The following NWD2 variants were observed in gnomAD, a reference collection of about 807,000 sequenced individuals.
NWD2 encodes the protein NACHT and WD repeat domain-containing protein 2.
A neutral mutation model predicts 132.7 loss-of-function variants in NWD2; 37 were observed. The observed-to-expected ratio is 0.28, with a 90% CI of 0.21 to 0.37. NWD2 has a LOEUF of 0.37. Among genes scored for constraint, NWD2 ranks in the 10% least tolerant of loss-of-function variants. The pLI, the probability that NWD2 is intolerant of heterozygous loss-of-function variation, is 1.00. For synonymous variants in NWD2, 705 were observed against 803.0 expected, an observed-to-expected ratio of 0.88 and a Z score of 2.06; for missense variants, 1,592 against 2,122.4, an observed-to-expected ratio of 0.75 and a Z score of 4.91.
At chr4:37,402,191 G>C (rs1330355682) in intron 3 of NWD2, among the ~76,000 whole-genome samples, 1 of 152,146 alleles carries the variant, frequency 6.6e-6, no homozygotes, top group Non-Finnish European at 1.5e-5. Flanking sequence ...AGGAGATGTT[G>C]CTGTCACGTC....
In NWD2 at chr4:37,335,308, G is replaced by C. The variant is rs997112470; in HGVS notation, c.240+9284G>C. 1.2e-3 allele frequency among the ~76,000 whole-genome samples: 149 copies of C among 123,434 alleles called. 3 individuals are homozygous for C. The highest frequency in any genetic ancestry group is 4.1e-3 in the African/African-American group (141 of 34,512). The allele number at this position is 123,434 out of a possible 152,430, so 81.0% of individuals were successfully genotyped here. A position where few individuals can be genotyped will look rare whatever the true frequency, so the allele number is the denominator to read the frequency against. On this transcript the variant is annotated intron_variant, in intron 2 of 6. Coordinates refer to ENST00000309447, the MANE Select transcript of NWD2 (RefSeq NM_001144990.2). ...TCTGACTGGGGGGTGGGCGGGGGGGGGGGGCTTAAATTGCCTCCCAGGCAA... is the reference window on the plus strand; with the variant it reads ...TCTGACTGGGGGGTGGGCGGGGGGGCGGGGCTTAAATTGCCTCCCAGGCAA...
intron 3 of NWD2, among the ~76,000 whole-genome samples, chr4:37,380,862 C>T (rs1337009347): frequency 2.0e-5 from 3 of 152,258 alleles, no homozygotes; most frequent in East Asian, 3.9e-4. Flanking sequence ...TTAAGATAAA[C>T]GTTCCCCCCA....
intron 1 of NWD2, among the ~76,000 whole-genome samples, chr4:37,283,685 A>G (rs2109269193): frequency 6.6e-6 from 1 of 152,322 alleles, no homozygotes; most frequent in Non-Finnish European, 1.5e-5. Context: ...ATAGAAATTT[A>G]TATGTAGTAG....
At chr4:37,414,790 A>G (rs951453791) in intron 3 of NWD2, among the ~76,000 whole-genome samples, 2 of 152,234 alleles carry the variant, frequency 1.3e-5, no homozygotes. Context: ...CATCAGTAAT[A>G]ACACTGTTAG....
At chr4:37,406,700 C>A (rs1169910082) in intron 3 of NWD2, among the ~76,000 whole-genome samples, 1 of 152,034 alleles carries the variant, frequency 6.6e-6, no homozygotes, top group African/African-American at 2.4e-5. Context: ...GAGTTTGAGA[C>A]CCGCCTGACC....
intron 3 of NWD2, among the ~76,000 whole-genome samples, chr4:37,361,340 C>A (rs1719977637): frequency 6.6e-6 from 1 of 152,062 alleles, no homozygotes; most frequent in African/African-American, 2.4e-5. Context: ...CAGCATCACC[C>A]TGATACCTGG....
At chr4:37,263,883 A>G (rs962961021) in intron 1 of NWD2, among the ~76,000 whole-genome samples, 2 of 152,184 alleles carry the variant, frequency 1.3e-5, no homozygotes, top group East Asian at 1.9e-4. Context: ...GCAGTTGACT[A>G]TTGCCTTTAT....
At chr4:37,352,025 G>T (rs1407758808) in intron 2 of NWD2, among the ~76,000 whole-genome samples, 1 of 152,160 alleles carries the variant, frequency 6.6e-6, no homozygotes, top group Non-Finnish European at 1.5e-5. Context: ...TAATTTGATT[G>T]CACTGTGGTC....
At chr4:37,400,847 A>G (rs1174786640) in intron 3 of NWD2, among the ~76,000 whole-genome samples, 1 of 152,236 alleles carries the variant, frequency 6.6e-6, no homozygotes, top group African/African-American at 2.4e-5. Flanking sequence ...AACAGACTTT[A>G]CTTGATATCT....
intron 2 of NWD2, among the ~76,000 whole-genome samples, chr4:37,329,342 C>T (rs1009154379): frequency 6.6e-6 from 1 of 152,102 alleles, no homozygotes; most frequent in East Asian, 1.9e-4. Flanking sequence ...ATAATAAATG[C>T]ATTTTATTGA....
chr4:37,255,910 G>A (rs566881573), intron 1 of NWD2, among the ~76,000 whole-genome samples: 112 of 152,296 alleles, frequency 7.4e-4, no homozygotes, highest in African/African-American at 2.6e-3. Context: ...TTCCCAGTGT[G>A]TCAGAGGATG....
chr4:37,273,083 G>A (rs1028853308), intron 1 of NWD2, among the ~76,000 whole-genome samples: 1 of 151,708 alleles, frequency 6.6e-6, no homozygotes, highest in Non-Finnish European at 1.5e-5. Context: ...TTTTAAGGCT[G>A]GTCTACTAGC....
intron 1 of NWD2, among the ~76,000 whole-genome samples, chr4:37,274,155 A>C (rs1336209263): frequency 6.6e-6 from 1 of 152,142 alleles, no homozygotes; most frequent in Non-Finnish European, 1.5e-5. Flanking sequence ...GTTTTTTCTT[A>C]AAGATCAACA....
intron 1 of NWD2, among the ~76,000 whole-genome samples, chr4:37,254,261 G>A (rs184973597): frequency 1.3e-3 from 205 of 152,290 alleles, no homozygotes; most frequent in Non-Finnish European, 2.3e-3. Context: ...GTTCCATTTT[G>A]TTGAGAAATC....
At chr4:37,339,846 A>C (rs949511907) in intron 2 of NWD2, among the ~76,000 whole-genome samples, 1 of 151,756 alleles carries the variant, frequency 6.6e-6, no homozygotes, top group African/African-American at 2.4e-5. Flanking sequence ...TCCTCCCACC[A>C]TTCTGTCTCC....
chr4:37,446,645 T>A lies in NWD2; in HGVS notation c.4657T>A (p.Leu1553Ile), dbSNP rs1712643292. Residue 1553 changes from leucine (L) to isoleucine (I), a missense_variant, in exon 7 of 7, where the codon TTA (leucine) becomes ATA (isoleucine). Leu to Ile is a conservative substitution (Grantham distance 5). This residue lies in a region of NWD2 where 257 missense variants were observed against 335.0 expected (regional missense o/e 0.77). Transcript: ENST00000309447. The surrounding 1 kb of genome is among the most constrained non-coding windows in gnomAD (Gnocchi z 6.7). Reference sequence around the variant, plus strand: ...AGATGAAAACATCAATGTGCTAGATTTATACAGTGGTAAATTGCGGGTGGT... The same window carrying A: ...AGATGAAAACATCAATGTGCTAGATATATACAGTGGTAAATTGCGGGTGGT... The part of the protein sequence containing the change: ...RGDENINVLD[L>I]YSGKLRVVHA... 8 of 1,551,340 alleles carry A rather than the reference T, an allele frequency of 5.2e-6. No individual in the cohort carries two copies. The highest frequency in any genetic ancestry group is 2.0e-5 in the Admixed American group (1 of 50,940).
chr4:37,434,116 C>T (rs1712251788), intron 5 of NWD2, 96 bp downstream of exon 5: 1 of 703,178 alleles, frequency 1.4e-6, no homozygotes, highest in Non-Finnish European at 2.2e-6. Flanking sequence ...ATCTCATTTA[C>T]TGCCTGGTGA....
intron 3 of NWD2, among the ~76,000 whole-genome samples, chr4:37,370,840 G>T (rs1720211646): frequency 6.6e-6 from 1 of 152,062 alleles, no homozygotes; most frequent in African/African-American, 2.4e-5. Context: ...GCCTCATTTT[G>T]TTGCTTATCT....
At chr4:37,332,311 G>A (rs1355612188) in intron 2 of NWD2, among the ~76,000 whole-genome samples, 1 of 152,182 alleles carries the variant, frequency 6.6e-6, no homozygotes, top group African/African-American at 2.4e-5. Context: ...AAAGGACAGA[G>A]TAGAGAGGAC....
Sources: allele counts gnomAD v4.1 joint callset (sites outside exome capture counted in the v4.1 genomes callset), GRCh38; gene constraint gnomAD v4.1.1; regional missense constraint gnomAD v4.1.1; non-coding constraint Gnocchi (gnomAD v3.1); transcripts MANE v1.5; gene names NCBI Gene and HGNC (gene_info 2026-07-23, HGNC 2026-07-21).